The following WNK2 variants were observed in gnomAD, a reference collection of about 807,000 sequenced individuals.
WNK2 encodes WNK lysine deficient protein kinase 2.
Under a neutral mutation model 192.1 loss-of-function variants are expected in WNK2, and 67 were observed. The observed-to-expected ratio is 0.35, with a 90% CI of 0.29 to 0.43. The LOEUF (loss-of-function observed/expected upper bound fraction) is 0.43. Among genes scored for constraint, WNK2 ranks in the 20% least tolerant of loss-of-function variants. The pLI is 1.00. For synonymous variants in WNK2, 1,439 were observed against 1,393.9 expected (o/e 1.03, Z -0.72); for missense variants, 2,698 against 3,089.7 (o/e 0.87, Z 3.01).
intron 29 of WNK2, chr9:93,318,517 G>A: frequency 1.2e-6 from 2 of 1,614,156 alleles, no homozygotes; most frequent in Non-Finnish European, 1.7e-6. Context: ...AAAACGTTAG[G>A]TGAGCAGACA....
At chr9:93,275,396 A>T (rs78895022) in intron 19 of WNK2, among the ~76,000 whole-genome samples, 1,511 of 136,854 alleles carry the variant, frequency 0.011, 29 homozygotes, top group East Asian at 0.049. Context: ...CAGGTATCTT[A>T]AAAAAAAAAA....
At chr9:93,205,918 C>T (rs1833292826) in intron 2 of WNK2, among the ~76,000 whole-genome samples, 1 of 152,078 alleles carries the variant, frequency 6.6e-6, no homozygotes, top group South Asian at 2.1e-4. Context: ...CTTTGGATGG[C>T]AAGAGGAAAA....
At chr9:93,310,408 T>G (rs1853427470) in intron 28 of WNK2, among the ~76,000 whole-genome samples, 1 of 150,604 alleles carries the variant, frequency 6.6e-6, no homozygotes, top group African/African-American at 2.4e-5. Context: ...TTTTAAGTGT[T>G]AAGGGTTTTT....
chr9:93,195,699 CAAAAA>C (rs59357990), intron 2 of WNK2, among the ~76,000 whole-genome samples: 8 of 41,662 alleles, frequency 1.9e-4, no homozygotes, highest in East Asian at 9.3e-4. Flanking sequence ...GACTTTGTCT[CAAAAA>C]AAAAAAAAAA....
At chr9:93,263,436 G>A (rs201335018) in intron 14 of WNK2, 130 bp from the exon 15 acceptor site, 2 of 1,074,136 alleles carry the variant, frequency 1.9e-6, no homozygotes, top group Non-Finnish European at 2.5e-6. Context: ...CGCACAGGAC[G>A]GGCTGCCTCT....
chr9:93,320,384 C>G lies in WNK2; in HGVS notation c.6646C>G (p.Pro2216Ala), dbSNP rs1198262062. 7.3e-7 allele frequency: 1 copy of G among 1,367,678 alleles called. No homozygotes were observed. Among genetic ancestry groups the G allele is most frequent in the African/African-American group, 1.5e-5 (1 of 67,888 alleles). 84.7% of individuals were successfully genotyped at this position (1,367,678 alleles called of 1,614,324 possible). ...VPTPDPESEKPD is the reference protein window; with the variant it reads ...VPTPDPESEKAD ...TTTTCCAGATCCTGAGAGTGAGAAG[C>G]CTGACTGACCCCGCCTAGACGCCAG... The change falls in exon 30 of 30, where the codon CCT becomes GCT. Residue 2216 changes from proline (P) to alanine (A), a missense_variant. Pro to Ala is a conservative substitution (Grantham distance 27, BLOSUM62 -1). Around this residue, in one of 7 missense-constraint regions of WNK2, gnomAD observed 167 missense variants for 184.2 expected, o/e 0.91. Coordinates refer to ENST00000427277, the MANE Select transcript of WNK2 (RefSeq NM_006648.4).
intron 8 of WNK2, among the ~76,000 whole-genome samples, chr9:93,251,057 G>GATTA (rs1193089104): frequency 1.3e-5 from 2 of 151,796 alleles, no homozygotes; most frequent in African/African-American, 4.8e-5. Context: ...AAGGTGCTGG[G>GATTA]ATTACAGGCA....
intron 23 of WNK2, among the ~76,000 whole-genome samples, chr9:93,295,715 ATCCTCCCCTCACCT>A (rs1171346526): frequency 2.7e-5 from 4 of 145,558 alleles, no homozygotes; most frequent in Non-Finnish European, 6.0e-5. Flanking sequence ...TCCCGTCACC[ATCCTCCCCTCACCT>A]TCCTCCCCCA....
At position 93,289,190 on chromosome 9, in the gene WNK2, C is replaced by T. The variant is rs758997109; in HGVS notation, c.4436C>T (p.Ala1479Val). The part of the protein sequence containing the change: ...SAPREPLPPP[A>V]PEPSPHSGTP... ...CCAAGGGAGCCCCTGCCACCTCCTG[C>T]ACCTGAGCCCAGCCCCCACAGCGGG... Residue 1479 changes from alanine (A) to valine (V), a missense_variant, in exon 20 of 30, where the codon GCA (alanine) becomes GTA (valine). Transcript: ENST00000427277. The T allele has an allele frequency of 2.5e-6, 4 of 1,601,746 alleles. No individual in the cohort carries two copies. Among genetic ancestry groups the T allele is most frequent in the East Asian group, 2.2e-5 (1 of 44,704 alleles).
intron 2 of WNK2, among the ~76,000 whole-genome samples, chr9:93,226,710 A>G (rs1837876970): frequency 1.3e-5 from 2 of 152,104 alleles, no homozygotes; most frequent in Non-Finnish European, 2.9e-5. Flanking sequence ...TCACATGAAG[A>G]TGGGGGTCCT....
In WNK2 at chr9:93,315,823, G is replaced by GTGTGTGTGTA. The variant is rs1021505499; in HGVS notation, c.6517-1696_6517-1695insGTGTGTGTAT. 1.6e-3 allele frequency: 236 copies of GTGTGTGTGTA among 146,882 alleles called. 2 individuals carry two copies. Among genetic ancestry groups the GTGTGTGTGTA allele is most frequent in the African/African-American group, 5.8e-3 (226 of 38,820 alleles). 9.1% of individuals were successfully genotyped at this position (146,882 alleles called of 1,614,324 possible). A position where few individuals can be genotyped will look rare whatever the true frequency, so the allele number is the denominator to read the frequency against. ...TGTGTGTGTGTGTGTGTGTGTGTGT[G>GTGTGTGTGTA]TATATAATGGATATAGTCTACCAAT... On this transcript the variant is annotated intron_variant, in intron 28 of 29. Coordinates refer to ENST00000427277, the MANE Select transcript of WNK2 (RefSeq NM_006648.4).
intron 2 of WNK2, among the ~76,000 whole-genome samples, chr9:93,194,361 C>G (rs528583266): frequency 3.9e-5 from 6 of 152,208 alleles, no homozygotes; most frequent in Admixed American, 3.9e-4. Flanking sequence ...TCTTAAAACT[C>G]AACAATAAGA....
Position 93,289,064 on chromosome 9 carries a change from C to T in WNK2, c.4310C>T (p.Ala1437Val), listed in dbSNP as rs140893973. 2.4e-5 allele frequency: 39 copies of T among 1,606,482 alleles called. No individual in the cohort carries two copies. In the African/African-American group the frequency reaches 2.5e-4, roughly 10 times the overall value. The change falls in exon 20 of 30, where the codon GCG (alanine) becomes GTG (valine). Residue 1437 changes from alanine (A) to valine (V), a missense_variant. Around this residue, in one of 7 missense-constraint regions of WNK2, gnomAD observed 1,098 missense variants for 1,101.0 expected, o/e 1.00. Transcript: ENST00000427277. ...TSELETSQPLAETHEAPLAVQ... is the reference protein window; with the variant it reads ...TSELETSQPLVETHEAPLAVQ... ...GAGCTCGAGACGTCTCAGCCACTAG[C>T]GGAGACTCACGAGGCCCCGCTTGCT...
chr9:93,220,043 G>T (rs115897550), intron 2 of WNK2, among the ~76,000 whole-genome samples: 167 of 152,340 alleles, frequency 1.1e-3, no homozygotes, highest in African/African-American at 3.8e-3. Flanking sequence ...CAGGGTTGTT[G>T]GGGAGGGAGT....
intron 4 of WNK2, among the ~76,000 whole-genome samples, chr9:93,233,916 C>T (rs772402027): frequency 1.6e-4 from 25 of 152,204 alleles, no homozygotes; most frequent in African/African-American, 4.1e-4. Flanking sequence ...GACATGCAAC[C>T]GGACTTATTT....
chr9:93,246,237 C>T (rs1185751278), intron 7 of WNK2, among the ~76,000 whole-genome samples: 1 of 152,204 alleles, frequency 6.6e-6, no homozygotes, highest in Non-Finnish European at 1.5e-5. Flanking sequence ...TTTGCACGTC[C>T]CTGTCACTCT....
At position 93,268,729 on chromosome 9, in the gene WNK2, C is replaced by A. The variant is rs776194136; in HGVS notation, c.4016C>A (p.Pro1339Gln). 3.7e-6 allele frequency: 6 copies of A among 1,612,872 alleles called. No individual in the cohort carries two copies. The East Asian group carries it at 8.9e-5, about 24-fold the overall frequency. ...CCCCCACTTCCTCTAAGCTCCCTGC[C>A]GCCAGAAGCCAGCCAAGGTATGAGC... ...SSPPLPLSSL[P>Q]PEASQDSAPY... Residue 1339 changes from proline (P) to glutamine (Q), a missense_variant, in exon 19 of 30, where the codon CCG becomes CAG. Pro to Gln is a moderately conservative substitution (Grantham distance 76). Coordinates refer to ENST00000427277, the MANE Select transcript of WNK2 (RefSeq NM_006648.4).
rs766397503 is a variant in WNK2 at position 93,262,678 on chromosome 9, C to T, written c.3369C>T (p.Ala1123=). 1.9e-6 allele frequency: 3 copies of T among 1,612,698 alleles called. No individual in the cohort carries two copies. Among genetic ancestry groups the T allele is most frequent in the Admixed American group, 1.7e-5 (1 of 60,026 alleles). The stretch of plus-strand genomic sequence containing the variant: ...CCGGGTGTTTATTTCAGGAGCAGGC[C>T]TCACAGGACAAGCCGCCCGGCCTCC... ...LTVEPVQEEQ[A]SQDKPPGLPQ... The change falls in exon 14 of 30, where the codon GCC becomes GCT. Residue 1123 remains alanine (A), a synonymous_variant. Coordinates refer to ENST00000427277, the MANE Select transcript of WNK2 (RefSeq NM_006648.4).
At chr9:93,312,463 C>T (rs940310233) in intron 28 of WNK2, among the ~76,000 whole-genome samples, 6 of 152,130 alleles carry the variant, frequency 3.9e-5, no homozygotes, top group Non-Finnish European at 8.8e-5. Flanking sequence ...CAACCTCTGC[C>T]TCCCGGGTTC....
Sources: gnomAD v4.1 joint callset for allele counts (sites outside exome capture counted in the v4.1 genomes callset) on GRCh38, gnomAD v4.1.1 for gene constraint, gnomAD v4.1.1 regional missense constraint, MANE v1.5 for transcripts, NCBI Gene and HGNC (gene_info 2026-07-23, HGNC 2026-07-21) for gene names.